UPP2: variants seen among roughly 807,000 people sequenced by gnomAD.
UPP2 encodes UPase 2.
A neutral mutation model predicts 26.7 loss-of-function variants in UPP2; 23 were observed. The ratio of observed to expected loss-of-function variants is 0.86; its 90% CI spans 0.62 to 1.22. UPP2 has a LOEUF of 1.22. UPP2 is among the 50% of genes most tolerant of loss of function. The probability of loss-of-function intolerance (pLI) is 0.00; values close to 1 mark genes in which losing one functional copy is unlikely to be tolerated. For missense variants in UPP2, 387 were observed against 396.7 expected (o/e 0.98, Z 0.21); for synonymous variants, 127 against 141.3 (o/e 0.90, Z 0.72).
At chr2:158,039,608 A>G (rs536169955) in intron 3 of UPP2, among the ~76,000 whole-genome samples, 9 of 152,306 alleles carry the variant, frequency 5.9e-5, no homozygotes, top group Non-Finnish European at 7.4e-5. Flanking sequence ...CAGTGTCCCA[A>G]CTAAGGCTTA....
chr2:158,023,787 C>T lies in UPP2; in HGVS notation c.147+7901C>T, dbSNP rs556634107. On this transcript the variant is annotated intron_variant, in intron 3 of 9. Transcript: ENST00000605860. The stretch of plus-strand genomic sequence containing the variant: ...CCACTCTTCTGGTGGCCCATGGCTT[C>T]TTGTTTAGAGGGTTCGACCGAAGTT... 2.5e-3 allele frequency among the ~76,000 whole-genome samples: 386 copies of T among 152,256 alleles called. 2 individuals carry two copies. Among genetic ancestry groups the T allele is most frequent in the African/African-American group, 9.1e-3 (376 of 41,536 alleles).
chr2:158,125,631 A>T (rs971828030), intron 6 of UPP2, among the ~76,000 whole-genome samples: 1 of 152,022 alleles, frequency 6.6e-6, no homozygotes, highest in African/African-American at 2.4e-5. Context: ...TGTTGGCCAG[A>T]CTGGTCTTGA....
chr2:158,053,166 T>A (rs957295995), intron 3 of UPP2, among the ~76,000 whole-genome samples: 2 of 152,166 alleles, frequency 1.3e-5, no homozygotes, highest in Non-Finnish European at 2.9e-5. Flanking sequence ...GTCAACTGTG[T>A]GTGGTGAATA....
At chr2:158,030,558 G>C (rs1683907180) in intron 3 of UPP2, among the ~76,000 whole-genome samples, 1 of 152,180 alleles carries the variant, frequency 6.6e-6, no homozygotes, top group African/African-American at 2.4e-5. Context: ...CTTTCTGTTT[G>C]GGCAGAAACT....
At chr2:158,067,294 G>A (rs1309769280) in intron 3 of UPP2, among the ~76,000 whole-genome samples, 2 of 150,764 alleles carry the variant, frequency 1.3e-5, no homozygotes, top group Admixed American at 1.3e-4. Context: ...GAAATAATTT[G>A]TCAGTGTTCA....
intron 3 of UPP2, among the ~76,000 whole-genome samples, chr2:158,092,792 A>T (rs1009112718): frequency 6.6e-6 from 1 of 152,238 alleles, no homozygotes; most frequent in East Asian, 1.9e-4. Flanking sequence ...TGCTTGTGTT[A>T]TGCAGAAGAG....
At chr2:158,034,262 C>T (rs1330120077) in intron 3 of UPP2, among the ~76,000 whole-genome samples, 1 of 152,186 alleles carries the variant, frequency 6.6e-6, no homozygotes, top group East Asian at 1.9e-4. Flanking sequence ...CTCAAGTCTG[C>T]TCTCTGTGGG....
At chr2:157,995,583 T>C (rs1683312229) in intron 2 of UPP2, among the ~76,000 whole-genome samples, 1 of 152,094 alleles carries the variant, frequency 6.6e-6, no homozygotes, top group African/African-American at 2.4e-5. Flanking sequence ...TAATACTCTT[T>C]AAGGTAGTTG....
At chr2:158,133,139 T>C (rs989578098) in intron 6 of UPP2, among the ~76,000 whole-genome samples, 2 of 152,210 alleles carry the variant, frequency 1.3e-5, no homozygotes, top group African/African-American at 2.4e-5. Flanking sequence ...AACAGATGAA[T>C]AGACTTTTAA....
intron 3 of UPP2, among the ~76,000 whole-genome samples, chr2:158,079,627 T>C (rs576953395): frequency 6.6e-6 from 1 of 152,266 alleles, no homozygotes; most frequent in South Asian, 2.1e-4. Flanking sequence ...ATTCAATTAT[T>C]TTCCCCACTC....
intron 3 of UPP2, among the ~76,000 whole-genome samples, chr2:158,049,154 A>G (rs760346303): frequency 2.6e-5 from 4 of 152,190 alleles, no homozygotes; most frequent in Non-Finnish European, 5.9e-5. Flanking sequence ...ACTGGGTTCT[A>G]AAATAATGGT....
chr2:158,035,617 T>C (rs1683989369), intron 3 of UPP2, among the ~76,000 whole-genome samples: 2 of 152,214 alleles, frequency 1.3e-5, no homozygotes, highest in Admixed American at 1.3e-4. Flanking sequence ...CATGGGCTTG[T>C]AACCTGAGCT....
chr2:158,047,262 A>T (rs1208550345), intron 3 of UPP2, among the ~76,000 whole-genome samples: 1 of 152,212 alleles, frequency 6.6e-6, no homozygotes, highest in East Asian at 1.9e-4. Context: ...AGGTTCATTT[A>T]AGGGGAACCA....
rs563459629 is a variant in UPP2, at chr2:158,103,571, G to A, written c.62+1446G>A. Among the ~76,000 whole-genome samples, 3 of 152,290 alleles carry A rather than the reference G, an allele frequency of 2.0e-5. No homozygotes were observed. The South Asian group carries it at 6.2e-4, about 32-fold the overall frequency. On this transcript the variant is annotated intron_variant, in intron 1 of 6. Transcript: ENST00000005756. ...CAATGAGACTCTTTTATAGAGTAATGATTCATAGATTCAGTTAGGAATCCA... is the reference window on the plus strand; with the variant it reads ...CAATGAGACTCTTTTATAGAGTAATAATTCATAGATTCAGTTAGGAATCCA...
chr2:158,099,075 A>G (rs1683031436), upstream of UPP2, among the ~76,000 whole-genome samples: 1 of 152,208 alleles, frequency 6.6e-6, no homozygotes, highest in Non-Finnish European at 1.5e-5. Context: ...ATTTACACTT[A>G]GTATATGTGT....
chr2:158,104,959 A>G (rs903645361), intron 1 of UPP2, among the ~76,000 whole-genome samples: 17 of 68,646 alleles, frequency 2.5e-4, no homozygotes, highest in African/African-American at 1.4e-3. Context: ...AGGGAAGGGA[A>G]GGGAAGGGAA....
At chr2:158,095,052 C>T (rs1156488419) in intron 3 of UPP2, among the ~76,000 whole-genome samples, 1 of 152,168 alleles carries the variant, frequency 6.6e-6, no homozygotes, top group Non-Finnish European at 1.5e-5. Context: ...AGCCTCTCAG[C>T]CCTCATACCC....
intron 4 of UPP2, among the ~76,000 whole-genome samples, chr2:158,119,057 A>AC (rs1558938135): frequency 1.3e-5 from 2 of 152,060 alleles, no homozygotes; most frequent in African/African-American, 4.8e-5. Flanking sequence ...ATCCAACAAT[A>AC]CCCCAAATAA....
At chr2:158,125,089 G>A (rs1312334286) in intron 6 of UPP2, among the ~76,000 whole-genome samples, 4 of 152,208 alleles carry the variant, frequency 2.6e-5, no homozygotes, top group African/African-American at 9.7e-5. Flanking sequence ...AGTGGCCCAT[G>A]AAGTTGGCAG....
Sources: allele counts gnomAD v4.1 joint callset (sites outside exome capture counted in the v4.1 genomes callset), GRCh38; gene constraint gnomAD v4.1.1; transcripts MANE v1.5; gene names NCBI Gene and HGNC (gene_info 2026-07-23, HGNC 2026-07-21).